Variants in LRRC7 observed in about 807,000 individuals in gnomAD.
LRRC7 encodes leucine rich repeat containing 7, also known as leucine-rich repeat-containing protein 7.
LRRC7 carries 23 observed loss-of-function variants against 175.7 expected under a neutral mutation model. The observed-to-expected ratio is 0.13, with a 90% CI of 0.09 to 0.19. The LOEUF (loss-of-function observed/expected upper bound fraction) is 0.19. LRRC7 is among the 10% of genes least tolerant of loss of function. LRRC7 has a pLI of 1.00. For missense variants in LRRC7, 1,354 were observed against 1,904.7 expected (o/e 0.71, Z 5.38); for synonymous variants, 685 against 680.9 (o/e 1.01, Z -0.09).
rs149091576 is a variant in LRRC7, at chr1:70,132,457, CTTTTTTTTT to C, written c.*10588_*10596del. On this transcript the variant is annotated 3_prime_UTR_variant, in exon 27 of 27. Transcript: ENST00000651989. Reference sequence around the variant, plus strand: ...TTTCTTTTTTCTTTTCTTTTCTTTTCTTTTTTTTTTTTTTTTTTTTTTTTTTGAGACGGA... The same window carrying C: ...TTTCTTTTTTCTTTTCTTTTCTTTTCTTTTTTTTTTTTTTTTTGAGACGGA... Among the ~76,000 whole-genome samples, 19 of 76,474 alleles carry C rather than the reference CTTTTTTTTT, an allele frequency of 2.5e-4. No homozygotes were observed. The highest frequency in any genetic ancestry group is 0.014 in the Middle Eastern group (1 of 72). 50.2% of individuals were successfully genotyped at this position (76,474 alleles called of 152,430 possible).
intron 2 of LRRC7, among the ~76,000 whole-genome samples, chr1:69,753,509 A>G (rs1670075497): frequency 2.0e-5 from 3 of 152,032 alleles, no homozygotes; most frequent in Admixed American, 2.0e-4. Context: ...TAGACTCACT[A>G]AACCTAAATT....
intron 7 of LRRC7, chr1:69,874,795 C>A (rs1037480488): frequency 6.6e-6 from 1 of 151,792 alleles, no homozygotes; most frequent in African/African-American, 2.4e-5. Context: ...GTTTTTTGTT[C>A]AAATTGTGTA....
rs764805436 is a variant in LRRC7 at position 70,012,967 on chromosome 1, C to T, written c.1135-7C>T. 10 of 1,484,962 alleles carry T rather than the reference C, an allele frequency of 6.7e-6. No homozygotes were observed. The highest frequency in any genetic ancestry group is 9.1e-6 in the Non-Finnish European group (10 of 1,095,188). The allele number at this position is 1,484,962 out of a possible 1,614,324, so 92.0% of individuals were successfully genotyped here. ...TTTTTTTACCTATTTTCTTTTGTTACCTACAGATTGGAAGTTGTAAGAATG... is the reference window on the plus strand; with the variant it reads ...TTTTTTTACCTATTTTCTTTTGTTATCTACAGATTGGAAGTTGTAAGAATG... On this transcript the variant is annotated splice_region_variant and splice_polypyrimidine_tract_variant and intron_variant, in intron 12 of 26. Transcript: ENST00000651989.
intron 24 of LRRC7, among the ~76,000 whole-genome samples, chr1:70,078,778 A>G (rs2102137475): frequency 6.6e-6 from 1 of 151,380 alleles, no homozygotes; most frequent in East Asian, 1.9e-4. Flanking sequence ...GTCAAATAAT[A>G]CAGTTCTACA....
chr1:70,140,556 AAAGT>A lies in LRRC7; in HGVS notation c.*18671_*18674del, dbSNP rs1399659255. ...CATGGCAACAAGTCTGTTGGCAGAG[AAAGT>A]ATGACTCTGCTTTTAGCCTTCTGCA... On this transcript the variant is annotated 3_prime_UTR_variant, in exon 27 of 27. Transcript: ENST00000651989. 6.6e-6 allele frequency: 1 copy of A among 152,162 alleles called. No individual in the cohort carries two copies. The highest frequency in any genetic ancestry group is 2.4e-5 in the African/African-American group (1 of 41,444). The allele number at this position is 152,162 out of a possible 1,614,324, so 9.4% of individuals were successfully genotyped here. A position where few individuals can be genotyped will look rare whatever the true frequency, so the allele number is the denominator to read the frequency against.
At chr1:69,886,848 A>G (rs1226049505) in intron 7 of LRRC7, among the ~76,000 whole-genome samples, 1 of 150,354 alleles carries the variant, frequency 6.7e-6, no homozygotes, top group African/African-American at 2.4e-5. Context: ...GCTTGTCTGT[A>G]AAGTATTTTA....
At chr1:69,922,023 T>G (rs1291461891) in intron 7 of LRRC7, among the ~76,000 whole-genome samples, 4 of 152,188 alleles carry the variant, frequency 2.6e-5, no homozygotes, top group Admixed American at 2.6e-4. Flanking sequence ...CCTCCCAGAT[T>G]CAAGCAATTC....
At chr1:69,651,180 A>G (rs1168459621) in intron 1 of LRRC7, among the ~76,000 whole-genome samples, 2 of 152,206 alleles carry the variant, frequency 1.3e-5, no homozygotes, top group Non-Finnish European at 2.9e-5. Context: ...TTATTCATAT[A>G]CTGTATAAGT....
chr1:69,772,272 A>G (rs1672329218), intron 3 of LRRC7, among the ~76,000 whole-genome samples: 1 of 152,204 alleles, frequency 6.6e-6, no homozygotes, highest in Non-Finnish European at 1.5e-5. Flanking sequence ...TCAACCATGC[A>G]AGATCATGCA....
intron 1 of LRRC7, among the ~76,000 whole-genome samples, chr1:69,589,115 G>GGGGTGTGTGT (rs1216721512): frequency 1.8e-4 from 25 of 142,458 alleles, no homozygotes; most frequent in African/African-American, 6.5e-4. Context: ...TCATAAAAAG[G>GGGGTGTGTGT]GTGTGTGTGT....
chr1:69,827,840 A>G (rs1275323539), intron 5 of LRRC7, among the ~76,000 whole-genome samples: 1 of 152,074 alleles, frequency 6.6e-6, no homozygotes, highest in East Asian at 1.9e-4. Flanking sequence ...CCCTGTCTCA[A>G]AAAAATAAGA....
In LRRC7 at chr1:69,660,754, C is replaced by T. The variant is rs974670978; in HGVS notation, c.3-17627C>T. On this transcript the variant is annotated intron_variant, in intron 1 of 26. Coordinates refer to ENST00000651989, the MANE Select transcript of LRRC7 (RefSeq NM_001370785.2). ...TAAGGGAAGGTTACAGGCAGCCAAACATAAAGCGCCTTTGTAAAGATGTCT... is the reference window on the plus strand; with the variant it reads ...TAAGGGAAGGTTACAGGCAGCCAAATATAAAGCGCCTTTGTAAAGATGTCT... Among the ~76,000 whole-genome samples the T allele has an allele frequency of 2.0e-5, 3 of 152,034 alleles. No individual in the cohort carries two copies. In the East Asian group the frequency reaches 5.8e-4, roughly 29 times the overall value.
chr1:69,987,002 G>A lies in LRRC7; in HGVS notation c.931+616G>A, dbSNP rs1570919267. Among the ~76,000 whole-genome samples the A allele has an allele frequency of 2.0e-5, 3 of 152,296 alleles. No individual in the cohort carries two copies. The East Asian group carries it at 5.8e-4, about 29-fold the overall frequency. On this transcript the variant is annotated intron_variant, in intron 10 of 26. Coordinates refer to ENST00000651989, the MANE Select transcript of LRRC7 (RefSeq NM_001370785.2). ...CTCACACCTGTTATCCCAGCACTAT[G>A]GGAGGCCAAGGCGGGTGGGTCACGA...
At position 70,028,190 on chromosome 1, in the gene LRRC7, G is replaced by A. The variant is rs763720419; in HGVS notation, c.1814G>A (p.Arg605Gln). The change falls in exon 18 of 27, where the codon CGA becomes CAA. Residue 605 changes from arginine (R) to glutamine (Q), a missense_variant. Around this residue, in one of 4 missense-constraint regions of LRRC7, gnomAD observed 1,032 missense variants for 1,227.2 expected, o/e 0.84. Coordinates refer to ENST00000651989, the MANE Select transcript of LRRC7 (RefSeq NM_001370785.2). ...TTCTAGGTTGAAATAAACCTAAAAC[G>A]ATATCCAACTCCTTACCCAGAGGAT... ...SGRQVEINLK[R>Q]YPTPYPEDLK... 16 of 1,613,110 alleles carry A rather than the reference G, an allele frequency of 9.9e-6. No individual in the cohort carries two copies. The highest frequency in any genetic ancestry group is 6.7e-5 in the Admixed American group (4 of 59,964).
At chr1:69,897,148 A>C (rs1013726409) in intron 7 of LRRC7, among the ~76,000 whole-genome samples, 1 of 152,198 alleles carries the variant, frequency 6.6e-6, no homozygotes, top group Non-Finnish European at 1.5e-5. Flanking sequence ...ATAAACAGGG[A>C]AACTGAGGTA....
intron 7 of LRRC7, among the ~76,000 whole-genome samples, chr1:69,854,983 G>A (rs1299072991): frequency 1.3e-5 from 2 of 152,010 alleles, no homozygotes; most frequent in Non-Finnish European, 2.9e-5. Context: ...CCTTAGAGCA[G>A]GGCATTTAGC....
At chr1:69,935,667 G>A (rs1647935112) in intron 8 of LRRC7, among the ~76,000 whole-genome samples, 1 of 151,930 alleles carries the variant, frequency 6.6e-6, no homozygotes, top group Non-Finnish European at 1.5e-5. Context: ...TTTTCTATTG[G>A]TAGTCATTTT....
intron 7 of LRRC7, 172 bp downstream of exon 7, chr1:69,838,455 G>A (rs1681361707): frequency 5.3e-6 from 3 of 564,918 alleles, no homozygotes; most frequent in Non-Finnish European, 6.5e-6. Context: ...ACATGAGAAT[G>A]TATTCTGTTT....
At chr1:70,017,939 G>A (rs982353293) in intron 14 of LRRC7, among the ~76,000 whole-genome samples, 2 of 152,140 alleles carry the variant, frequency 1.3e-5, no homozygotes, top group African/African-American at 4.8e-5. Flanking sequence ...GAACAGAGCA[G>A]TGACTGCATC....
Sources: allele counts gnomAD v4.1 joint callset (sites outside exome capture counted in the v4.1 genomes callset), GRCh38; gene constraint gnomAD v4.1.1; regional missense constraint gnomAD v4.1.1; transcripts MANE v1.5; gene names NCBI Gene and HGNC (gene_info 2026-07-23, HGNC 2026-07-21).